SLX9: variants seen among roughly 807,000 people sequenced by gnomAD.
The protein encoded by SLX9 is ribosome biogenesis protein SLX9 homolog.
In SLX9, 19 loss-of-function variants were observed where a neutral mutation model predicts 20.8. The ratio of observed to expected loss-of-function variants is 0.91; its 90% confidence interval spans 0.64 to 1.34. SLX9 has a LOEUF of 1.34. Ranked by LOEUF, SLX9 falls within the 40% of genes most tolerant of loss-of-function variation. SLX9 has a pLI of 0.00. For synonymous variants in SLX9, 113 were observed against 137.1 expected, an observed-to-expected ratio of 0.82 and a Z score of 1.23; for missense variants, 299 against 322.2, an observed-to-expected ratio of 0.93 and a Z score of 0.55.
chr21:44,974,660 G>T (rs1311075552), intron 5 of SLX9, among the ~76,000 whole-genome samples: 1 of 152,128 alleles, frequency 6.6e-6, no homozygotes, highest in Non-Finnish European at 1.5e-5. Context: ...CCGCCTCCTG[G>T]GCTGCAGCGA....
At chr21:44,949,422 C>G (rs1018006471) in intron 2 of SLX9, among the ~76,000 whole-genome samples, 6 of 152,090 alleles carry the variant, frequency 3.9e-5, no homozygotes, top group Admixed American at 3.9e-4. Flanking sequence ...CCAGAGGAAC[C>G]CAGCACCCTC....
intron 2 of SLX9, among the ~76,000 whole-genome samples, chr21:44,947,356 G>C (rs1160632805): frequency 6.6e-6 from 1 of 152,226 alleles, no homozygotes; most frequent in Non-Finnish European, 1.5e-5. Context: ...TGCCCTGCCT[G>C]AGTCAGGAAT....
At chr21:44,958,741 C>T (rs948127851) in intron 2 of SLX9, among the ~76,000 whole-genome samples, 22 of 152,200 alleles carry the variant, frequency 1.4e-4, no homozygotes, top group Middle Eastern at 3.2e-3. Context: ...GCCTCTGCTC[C>T]AGCTGCAGCA....
intron 5 of SLX9, among the ~76,000 whole-genome samples, chr21:44,975,244 C>T (rs1186681740): frequency 6.6e-6 from 1 of 152,190 alleles, no homozygotes; most frequent in East Asian, 1.9e-4. Context: ...CTGGGGGCTT[C>T]ATGTTGGGCA....
At chr21:44,970,370 C>T (rs980970314) in intron 4 of SLX9, among the ~76,000 whole-genome samples, 1 of 152,198 alleles carries the variant, frequency 6.6e-6, no homozygotes, top group African/African-American at 2.4e-5. Context: ...CTTGCAGTTG[C>T]CCCCAGCTCC....
intron 5 of SLX9, among the ~76,000 whole-genome samples, chr21:44,976,083 G>C (rs2085256289): frequency 6.6e-6 from 1 of 152,378 alleles, no homozygotes; most frequent in East Asian, 1.9e-4. Context: ...GCCTGAGAGG[G>C]GACCCAGGCC....
chr21:44,966,334 A>C (rs887528483), intron 3 of SLX9, among the ~76,000 whole-genome samples: 45 of 151,644 alleles, frequency 3.0e-4, no homozygotes, highest in African/African-American at 8.5e-4. Context: ...GCAGTGTTTG[A>C]GCTGCAGGCC....
Position 44,952,294 on chromosome 21 carries a change from A to C in SLX9, c.284-7806A>C, listed in dbSNP as rs545971298. 6.6e-5 allele frequency among the ~76,000 whole-genome samples: 10 copies of C among 152,370 alleles called. No homozygotes were observed. In the South Asian group the frequency reaches 1.9e-3, roughly 28 times the overall value. On this transcript the variant is annotated intron_variant, in intron 2 of 5. Coordinates refer to ENST00000291634, the MANE Select transcript of SLX9 (RefSeq NM_058190.4). ...CTGCTCGCCCCCGGGAAGCTCAGCC[A>C]CTGCCTTTTTCTATTTGCCAGACAG...
At chr21:44,975,702 A>G (rs1488522072) in intron 5 of SLX9, among the ~76,000 whole-genome samples, 1 of 152,176 alleles carries the variant, frequency 6.6e-6, no homozygotes, top group East Asian at 1.9e-4. Flanking sequence ...TGACTGGGGC[A>G]TTTCACCCTG....
intron 3 of SLX9, among the ~76,000 whole-genome samples, chr21:44,965,053 C>T (rs184451182): frequency 1.7e-3 from 256 of 152,324 alleles, no homozygotes; most frequent in African/African-American, 5.9e-3. Context: ...GCTTTAATAT[C>T]CGATAGCCCT....
chr21:44,956,387 T>G (rs975805357), intron 2 of SLX9, among the ~76,000 whole-genome samples: 1 of 152,162 alleles, frequency 6.6e-6, no homozygotes, highest in African/African-American at 2.4e-5. Context: ...AGACGGATGA[T>G]TCCCACTTCA....
intron 5 of SLX9, among the ~76,000 whole-genome samples, chr21:44,975,178 C>T (rs961188610): frequency 1.3e-5 from 2 of 152,170 alleles, no homozygotes; most frequent in Non-Finnish European, 2.9e-5. Context: ...TTGGATCCTT[C>T]GATCCCAAGA....
chr21:44,964,969 C>T (rs2085008175), intron 3 of SLX9, among the ~76,000 whole-genome samples: 1 of 152,222 alleles, frequency 6.6e-6, no homozygotes, highest in Non-Finnish European at 1.5e-5. Flanking sequence ...CACACTTTGC[C>T]TGGTCTGCCC....
chr21:44,944,987 C>T (rs183018590), intron 2 of SLX9, among the ~76,000 whole-genome samples: 11 of 152,314 alleles, frequency 7.2e-5, no homozygotes, highest in African/African-American at 1.9e-4. Context: ...TGGAGGCGCC[C>T]GCTCTGCATC....
intron 2 of SLX9, among the ~76,000 whole-genome samples, chr21:44,953,767 C>T (rs1568934172): frequency 6.6e-6 from 1 of 152,176 alleles, no homozygotes; most frequent in Admixed American, 6.5e-5. Flanking sequence ...CTGCATTCAG[C>T]GTCCCTGGGT....
chr21:44,943,357 G>A (rs777676603), intron 1 of SLX9, among the ~76,000 whole-genome samples: 2 of 152,198 alleles, frequency 1.3e-5, no homozygotes, highest in African/African-American at 4.8e-5. Context: ...GGAGAATGTT[G>A]TAGAAAGAGT....
intron 5 of SLX9, 52 bp from the exon 6 acceptor site, chr21:44,976,628 C>A: frequency 6.5e-7 from 1 of 1,550,324 alleles, no homozygotes; most frequent in African/African-American, 1.4e-5. Flanking sequence ...TGTTGAGGGG[C>A]TGAGGGGTCC....
At chr21:44,940,218 C>A in intron 1 of SLX9, 32 bp downstream of exon 1, 1 of 1,217,214 alleles carries the variant, frequency 8.2e-7, no homozygotes, top group South Asian at 4.0e-5. Flanking sequence ...CGGGGGCTGC[C>A]GCGTGGGTCC....
intron 3 of SLX9, among the ~76,000 whole-genome samples, chr21:44,961,037 A>G (rs888866766): frequency 1.3e-5 from 2 of 151,920 alleles, no homozygotes; most frequent in African/African-American, 4.8e-5. Flanking sequence ...TTCTTTTGTG[A>G]TTATTAGTTT....
Sources: allele counts gnomAD v4.1 joint callset (sites outside exome capture counted in the v4.1 genomes callset), GRCh38; gene constraint gnomAD v4.1.1; transcripts MANE v1.5; gene names NCBI Gene and HGNC (gene_info 2026-07-23, HGNC 2026-07-21).